FLVCR1: variants seen among roughly 807,000 people sequenced by gnomAD.
FLVCR1 encodes the protein choline/ethanolamine transporter FLVCR1.
In FLVCR1, 34 loss-of-function variants were observed where a neutral mutation model predicts 53.6. That is an observed-to-expected ratio of 0.63 (90% CI 0.48 to 0.84). The LOEUF (loss-of-function observed/expected upper bound fraction) is 0.84, where lower values mean the gene tolerates loss of function less well. Among genes scored for constraint, FLVCR1 ranks in the 40% least tolerant of loss-of-function variants. FLVCR1 has a pLI of 0.00. For missense variants in FLVCR1, 677 were observed against 696.7 expected (o/e 0.97, Z 0.32); for synonymous variants, 300 against 286.3 (o/e 1.05, Z -0.48).
Position 212,895,415 on chromosome 1 carries a change from C to G in FLVCR1, c.*125C>G. 1 of 723,010 alleles carries G rather than the reference C, an allele frequency of 1.4e-6. No homozygotes were observed. Among genetic ancestry groups the G allele is most frequent in the Non-Finnish European group, 2.5e-6 (1 of 395,294 alleles). The allele number at this position is 723,010 out of a possible 1,614,324, so 44.8% of individuals were successfully genotyped here. On this transcript the variant is annotated 3_prime_UTR_variant, in exon 10 of 10. Transcript: ENST00000366971. ...AATAAACACACTTACTTGAAAATTA[C>G]CATATGAACTCTAAATGCATAATTA... is the stretch of plus-strand genomic sequence containing the variant.
At chr1:212,885,602 G>A (rs967376312) in intron 5 of FLVCR1, 4 of 473,280 alleles carry the variant, frequency 8.5e-6, no homozygotes, top group Non-Finnish European at 1.5e-5. Flanking sequence ...CCAGGCTAGA[G>A]TGCAGTGGCG....
chr1:212,898,999 ATC>A lies in FLVCR1; in HGVS notation c.*3713_*3714del, dbSNP rs1665408504. 6.6e-6 allele frequency: 1 copy of A among 152,192 alleles called. No homozygotes were observed. Among genetic ancestry groups the A allele is most frequent in the Admixed American group, 6.5e-5 (1 of 15,286 alleles). 9.4% of individuals were successfully genotyped at this position (152,192 alleles called of 1,614,324 possible). A position where few individuals can be genotyped will look rare whatever the true frequency, so the allele number is the denominator to read the frequency against. Reference sequence around the variant, plus strand: ...TTCAGTTCCATTATAATCTTATAGGATCTCTGTCATATGTGGTCAATTGTTGA... The same window carrying A: ...TTCAGTTCCATTATAATCTTATAGGATCTGTCATATGTGGTCAATTGTTGA... On this transcript the variant is annotated 3_prime_UTR_variant, in exon 10 of 10. Transcript: ENST00000366971.
At chr1:212,888,022 G>A in intron 6 of FLVCR1, 21 bp downstream of exon 6, 2 of 1,283,586 alleles carry the variant, frequency 1.6e-6, no homozygotes, top group Non-Finnish European at 2.3e-6. Context: ...GATGTGTTTA[G>A]GAGGAATGAT....
chr1:212,858,545 TG>T lies in FLVCR1; in HGVS notation c.96del (p.Lys33ArgfsTer17). 1 of 1,465,814 alleles carries T rather than the reference TG, an allele frequency of 6.8e-7. No individual in the cohort carries two copies. Among genetic ancestry groups the T allele is most frequent in the Non-Finnish European group, 9.0e-7 (1 of 1,110,402 alleles). 90.8% of individuals were successfully genotyped at this position (1,465,814 alleles called of 1,614,324 possible). ...TCCCGTTGCCGAGGGGCGCGCCCGT[TG>T]GGAAGGAGAGCGTGGAGCTGCAGAA... is the stretch of plus-strand genomic sequence containing the variant. ...YLPLPRGAPV[G>X]KESVELQNGP... On this transcript the variant is annotated frameshift_variant, in exon 1 of 10. Transcript: ENST00000366971. LOFTEE classifies it high-confidence loss of function.
At chr1:212,889,089 A>T in intron 7 of FLVCR1, 57 bp from the exon 8 acceptor site, 1 of 1,240,088 alleles carries the variant, frequency 8.1e-7, no homozygotes. Flanking sequence ...TGAAAACTTT[A>T]TACTTGCTTT....
intron 6 of FLVCR1, among the ~76,000 whole-genome samples, 196 bp downstream of exon 6, chr1:212,888,197 C>T (rs1175997178): frequency 6.6e-6 from 1 of 151,728 alleles, no homozygotes; most frequent in Non-Finnish European, 1.5e-5. Context: ...TTTGGTATAC[C>T]ATAGGTAAAA....
At chr1:212,882,181 A>T (rs1160408376) in intron 3 of FLVCR1, among the ~76,000 whole-genome samples, 1 of 152,228 alleles carries the variant, frequency 6.6e-6, no homozygotes, top group Non-Finnish European at 1.5e-5. Context: ...ACAAAAACAT[A>T]ATACTCATTG....
At chr1:212,894,785 C>T (rs41301013) in intron 8 of FLVCR1, among the ~76,000 whole-genome samples, 3,372 of 152,216 alleles carry the variant, frequency 0.022, 51 homozygotes, top group Non-Finnish European at 0.034. Flanking sequence ...CTAGCATTCC[C>T]GTATTTGTTC....
intron 3 of FLVCR1, among the ~76,000 whole-genome samples, chr1:212,875,148 G>C (rs1397284467): frequency 6.6e-6 from 1 of 151,654 alleles, no homozygotes; most frequent in Non-Finnish European, 1.5e-5. Context: ...TAAATGTATA[G>C]TAGTGCTCTA....
rs185726350 is a variant in FLVCR1 at position 212,870,323 on chromosome 1, T to A, written c.884-2355T>A. Among the ~76,000 whole-genome samples, 374 of 152,364 alleles carry A rather than the reference T, an allele frequency of 2.5e-3. 2 individuals carry two copies. Among genetic ancestry groups the A allele is most frequent in the Non-Finnish European group, 4.1e-3 (280 of 68,032 alleles). Reference sequence around the variant, plus strand: ...AATGAACTGTAATTTAAAAAATTTTTAGCAGCAAACAGGAAAATTAGAGAA... The same window carrying A: ...AATGAACTGTAATTTAAAAAATTTTAAGCAGCAAACAGGAAAATTAGAGAA... On this transcript the variant is annotated intron_variant, in intron 2 of 9. Coordinates refer to ENST00000366971, the MANE Select transcript of FLVCR1 (RefSeq NM_014053.4).
rs568453313 is a variant in FLVCR1 at position 212,889,538 on chromosome 1, G to A, written c.1525+281G>A. Among the ~76,000 whole-genome samples, 9 of 152,172 alleles carry A rather than the reference G, an allele frequency of 5.9e-5. No individual in the cohort carries two copies. In the East Asian group the frequency reaches 1.5e-3, roughly 26 times the overall value. On this transcript the variant is annotated intron_variant, in intron 8 of 9. Transcript: ENST00000366971. Reference sequence around the variant, plus strand: ...TCCCAGCACTTTGGGAGGCAGAGGCGGGCAGATTACTTGAGGTGAGGAGTT... The same window carrying A: ...TCCCAGCACTTTGGGAGGCAGAGGCAGGCAGATTACTTGAGGTGAGGAGTT...
chr1:212,863,656 C>G (rs1664317197), intron 1 of FLVCR1, 69 bp from the exon 2 acceptor site: 1 of 1,336,162 alleles, frequency 7.5e-7, no homozygotes, highest in African/African-American at 1.4e-5. Context: ...TCTTTATGTT[C>G]TGTTAATTGC....
chr1:212,859,943 G>A (rs535022614), intron 1 of FLVCR1, among the ~76,000 whole-genome samples: 1 of 152,244 alleles, frequency 6.6e-6, no homozygotes, highest in African/African-American at 2.4e-5. Flanking sequence ...TATATTAGCA[G>A]TCAGCACAGT....
intron 3 of FLVCR1, among the ~76,000 whole-genome samples, chr1:212,880,915 A>G (rs567147528): frequency 2.0e-5 from 3 of 152,278 alleles, no homozygotes; most frequent in East Asian, 1.9e-4. Context: ...CTGCTCATCA[A>G]AGTTACTCAA....
intron 8 of FLVCR1, among the ~76,000 whole-genome samples, chr1:212,891,965 A>G (rs1665205119): frequency 6.6e-6 from 1 of 152,268 alleles, no homozygotes. Flanking sequence ...CATACCAGCC[A>G]CAACATCGCC....
At chr1:212,881,825 AT>A (rs1163027671) in intron 3 of FLVCR1, among the ~76,000 whole-genome samples, 2 of 152,256 alleles carry the variant, frequency 1.3e-5, no homozygotes, top group African/African-American at 4.8e-5. Flanking sequence ...AAGGATTAGT[AT>A]TAGTTAAAAA....
intron 1 of FLVCR1, 63 bp downstream of exon 1, chr1:212,859,253 T>TGA (rs1664145269): frequency 6.2e-7 from 1 of 1,609,974 alleles, no homozygotes; most frequent in Non-Finnish European, 8.5e-7. Flanking sequence ...TCATAGGCCG[T>TGA]GAGAACTATG....
rs1476337492 is a variant in FLVCR1, at chr1:212,898,779, G to A, written c.*3489G>A. ...AAGTGTACTTACACAAACCTAGGTG[G>A]TAGAGCCTACTGCACACCTGGGCTA... On this transcript the variant is annotated 3_prime_UTR_variant, in exon 10 of 10. Transcript: ENST00000366971. 6.6e-6 allele frequency: 1 copy of A among 152,174 alleles called. No individual in the cohort carries two copies. Among genetic ancestry groups the A allele is most frequent in the African/African-American group, 2.4e-5 (1 of 41,432 alleles). 9.4% of individuals were successfully genotyped at this position (152,174 alleles called of 1,614,324 possible).
intron 2 of FLVCR1, among the ~76,000 whole-genome samples, chr1:212,865,980 GGTTT>G (rs1664409230): frequency 6.2e-5 from 2 of 32,090 alleles, no homozygotes; most frequent in Non-Finnish European, 8.8e-5. Context: ...TTTGGGGTTT[GGTTT>G]TTTTTTTTTT....
Sources: allele counts gnomAD v4.1 joint callset (sites outside exome capture counted in the v4.1 genomes callset), GRCh38; gene constraint gnomAD v4.1.1; transcripts MANE v1.5; gene names NCBI Gene and HGNC (gene_info 2026-07-23, HGNC 2026-07-21).